AGAP1: variants seen among roughly 807,000 people sequenced by gnomAD.
The protein encoded by AGAP1 is arf-GAP with GTPase, ANK repeat and PH domain-containing protein 1.
AGAP1 carries 29 observed loss-of-function variants against 105.3 expected under a neutral mutation model. The observed-to-expected ratio is 0.28, with a 90% CI of 0.21 to 0.38. The LOEUF (loss-of-function observed/expected upper bound fraction) is 0.38. Ranked by LOEUF, AGAP1 falls within the 10% of genes least tolerant of loss-of-function variation. The probability of loss-of-function intolerance (pLI) is 1.00; values close to 1 mark genes in which losing one functional copy is unlikely to be tolerated. For missense variants in AGAP1, 998 were observed against 1,165.1 expected, an observed-to-expected ratio of 0.86 and a Z score of 2.09; for synonymous variants, 509 against 485.9, an observed-to-expected ratio of 1.05 and a Z score of -0.63.
rs1319951618 is a variant in AGAP1 at position 235,614,824 on chromosome 2, G to A, written c.164-94355G>A. On this transcript the variant is annotated intron_variant, in intron 1 of 17. Coordinates refer to ENST00000304032, the MANE Select transcript of AGAP1 (RefSeq NM_001037131.3). The surrounding 1 kb of genome is among the most constrained non-coding windows in gnomAD (Gnocchi z 4.7). ...TTTTCCTGTTTTCTTGGCCTCCTAG[G>A]GAATCAGTTTGATTCTGTGGCTATT... Among the ~76,000 whole-genome samples the A allele has an allele frequency of 6.6e-6, 1 of 152,192 alleles. No homozygotes were observed. The highest frequency in any genetic ancestry group is 2.4e-5 in the African/African-American group (1 of 41,444).
chr2:235,711,431 A>G (rs1349330428), intron 2 of AGAP1, among the ~76,000 whole-genome samples: 1 of 152,190 alleles, frequency 6.6e-6, no homozygotes, highest in African/African-American at 2.4e-5. Context: ...TTTTGAAAGC[A>G]TATGATTTTC....
intron 1 of AGAP1, among the ~76,000 whole-genome samples, chr2:235,507,902 C>T (rs983689002): frequency 1.3e-5 from 2 of 152,114 alleles, no homozygotes; most frequent in African/African-American, 4.8e-5. Flanking sequence ...ATTATTACAA[C>T]GCATAGTAAG....
chr2:235,523,555 G>T (rs1198488767), intron 1 of AGAP1, among the ~76,000 whole-genome samples: 1 of 152,124 alleles, frequency 6.6e-6, no homozygotes, highest in African/African-American at 2.4e-5. Context: ...CGTGCTGTCC[G>T]CTAAGCTCCC....
chr2:235,824,391 C>G lies in AGAP1; in HGVS notation c.1050+17060C>G, dbSNP rs1173271195. ...GGTCTTGCAAATTGGTAACTGGTAG[C>G]TACCAGTGTAATTAAATATTTCAGA... On this transcript the variant is annotated intron_variant, in intron 9 of 17. Coordinates refer to ENST00000304032, the MANE Select transcript of AGAP1 (RefSeq NM_001037131.3). The surrounding 1 kb of genome is among the most constrained non-coding windows in gnomAD (Gnocchi z 5.2). 6.6e-6 allele frequency among the ~76,000 whole-genome samples: 1 copy of G among 152,176 alleles called. No individual in the cohort carries two copies. Among genetic ancestry groups the G allele is most frequent in the African/African-American group, 2.4e-5 (1 of 41,416 alleles).
chr2:235,730,272 G>C (rs748656612), intron 3 of AGAP1, among the ~76,000 whole-genome samples: 31 of 151,974 alleles, frequency 2.0e-4, no homozygotes, highest in African/African-American at 7.5e-4. Flanking sequence ...TGCCCGTGTC[G>C]GCAGCCGAGT....
rs527685703 is a variant in AGAP1 at position 235,914,601 on chromosome 2, C to T, written c.1324+5695C>T. 7.9e-5 allele frequency among the ~76,000 whole-genome samples: 12 copies of T among 152,318 alleles called. No individual in the cohort carries two copies. In the South Asian group the frequency reaches 2.1e-3, roughly 26 times the overall value. ...TTTAAAATGCTGGAAATGTGGTCATCTTCATGTCAGTTTTTGCCATGGGCT... is the reference window on the plus strand; with the variant it reads ...TTTAAAATGCTGGAAATGTGGTCATTTTCATGTCAGTTTTTGCCATGGGCT... On this transcript the variant is annotated intron_variant, in intron 11 of 17. Transcript: ENST00000304032.
rs1461943146 is a variant in AGAP1 at position 235,723,846 on chromosome 2, CT to C, written c.310+6203del. On this transcript the variant is annotated intron_variant, in intron 3 of 17. Coordinates refer to ENST00000304032, the MANE Select transcript of AGAP1 (RefSeq NM_001037131.3). The surrounding 1 kb of genome is among the most constrained non-coding windows in gnomAD (Gnocchi z 6.2). ...AGAATGTTCATAGACCAACTCCAAGCTGCAAAATGAAAGTACCGAGAGGAAG... is the reference window on the plus strand; with the variant it reads ...AGAATGTTCATAGACCAACTCCAAGCGCAAAATGAAAGTACCGAGAGGAAG... Among the ~76,000 whole-genome samples, 30 of 152,184 alleles carry C rather than the reference CT, an allele frequency of 2.0e-4. No homozygotes were observed. In the East Asian group the frequency reaches 5.8e-3, roughly 29 times the overall value.
intron 3 of AGAP1, among the ~76,000 whole-genome samples, chr2:235,738,089 GAT>G (rs1240930591): frequency 6.6e-6 from 1 of 152,102 alleles, no homozygotes; most frequent in Non-Finnish European, 1.5e-5. Context: ...CTCTGGCTGT[GAT>G]ATATGTTAGG....
intron 1 of AGAP1, among the ~76,000 whole-genome samples, chr2:235,499,572 G>A (rs1411643420): frequency 6.6e-6 from 1 of 152,108 alleles, no homozygotes; most frequent in East Asian, 1.9e-4. Context: ...GCCGGCACCC[G>A]GGACCTCCAC....
chr2:236,079,845 G>A (rs2058737150), intron 16 of AGAP1, among the ~76,000 whole-genome samples: 1 of 152,174 alleles, frequency 6.6e-6, no homozygotes, highest in Non-Finnish European at 1.5e-5. Flanking sequence ...AACACTCAAG[G>A]CACTGGTTAC....
chr2:235,872,996 G>C lies in AGAP1; in HGVS notation c.1051-10349G>C, dbSNP rs972279033. Among the ~76,000 whole-genome samples the C allele has an allele frequency of 3.9e-5, 6 of 152,198 alleles. No homozygotes were observed. The highest frequency in any genetic ancestry group is 7.3e-5 in the Non-Finnish European group (5 of 68,038). On this transcript the variant is annotated intron_variant, in intron 9 of 17. Coordinates refer to ENST00000304032, the MANE Select transcript of AGAP1 (RefSeq NM_001037131.3). This position sits in a 1 kb window ranked among gnomAD's most constrained non-coding sequence, Gnocchi z 4.5. ...AGTGCAGCTCTGGAATTAGGAACCA[G>C]CCGTGCCCCAGGAGGGCAGAGGACC...
At position 235,641,323 on chromosome 2, in the gene AGAP1, C is replaced by CT. The variant is rs61233935; in HGVS notation, c.164-67856_164-67855insT. 1.1e-4 allele frequency among the ~76,000 whole-genome samples: 16 copies of CT among 140,282 alleles called. No individual in the cohort carries two copies. In the South Asian group the frequency reaches 1.6e-3, roughly 14 times the overall value. The allele number at this position is 140,282 out of a possible 152,430, so 92.0% of individuals were successfully genotyped here. ...TCTTTCTCTCTCTCTTTCTCTTTCT[C>CT]CTCCCTCCCTCCCTCTCTTCCTTCC... On this transcript the variant is annotated intron_variant, in intron 1 of 17. Coordinates refer to ENST00000304032, the MANE Select transcript of AGAP1 (RefSeq NM_001037131.3).
chr2:235,831,536 C>T (rs1343631048), intron 9 of AGAP1, among the ~76,000 whole-genome samples: 2 of 152,180 alleles, frequency 1.3e-5, no homozygotes, highest in African/African-American at 4.8e-5. Flanking sequence ...TTTCCTTTGC[C>T]AGGATGCCAT....
In AGAP1 at chr2:236,128,658, A is replaced by G. The variant is rs1395319466; in HGVS notation, c.*4536A>G. 3 of 151,882 alleles carry G rather than the reference A, an allele frequency of 2.0e-5. No individual in the cohort carries two copies. The highest frequency in any genetic ancestry group is 7.3e-5 in the African/African-American group (3 of 41,306). The allele number at this position is 151,882 out of a possible 1,614,324, so 9.4% of individuals were successfully genotyped here. A position where few individuals can be genotyped will look rare whatever the true frequency, so the allele number is the denominator to read the frequency against. ...GGTCCCCGTGGCGCCCAGGACACCAACTCTCCCTCCCTGCACTTAGGATGT... is the reference window on the plus strand; with the variant it reads ...GGTCCCCGTGGCGCCCAGGACACCAGCTCTCCCTCCCTGCACTTAGGATGT... On this transcript the variant is annotated 3_prime_UTR_variant, in exon 18 of 18. Coordinates refer to ENST00000304032, the MANE Select transcript of AGAP1 (RefSeq NM_001037131.3). The surrounding 1 kb of genome is among the most constrained non-coding windows in gnomAD (Gnocchi z 5.9).
At chr2:235,999,510 ATGGTGG>A (rs371247715) in intron 13 of AGAP1, among the ~76,000 whole-genome samples, 3 of 102,808 alleles carry the variant, frequency 2.9e-5, no homozygotes, top group Non-Finnish European at 4.1e-5. Context: ...GGTAGTGGTG[ATGGTGG>A]TGGTGGTGGT....
rs574863723 is a variant in AGAP1 at position 236,113,958 on chromosome 2, G to T, written c.2115-6234G>T. Among the ~76,000 whole-genome samples the T allele has an allele frequency of 6.6e-6, 1 of 152,154 alleles. No homozygotes were observed. Among genetic ancestry groups the T allele is most frequent in the Admixed American group, 6.5e-5 (1 of 15,274 alleles). Reference sequence around the variant, plus strand: ...GAAATGTACCTTTTCTTTTTATTTTGGGGATTGGGTCAGTGCCTTTCTTCT... The same window carrying T: ...GAAATGTACCTTTTCTTTTTATTTTTGGGATTGGGTCAGTGCCTTTCTTCT... On this transcript the variant is annotated intron_variant, in intron 16 of 17. Transcript: ENST00000304032. This position sits in a 1 kb window ranked among gnomAD's most constrained non-coding sequence, Gnocchi z 4.3.
In AGAP1 at chr2:235,664,444, C is replaced by G. The variant is rs887171463; in HGVS notation, c.164-44735C>G. On this transcript the variant is annotated intron_variant, in intron 1 of 17. Coordinates refer to ENST00000304032, the MANE Select transcript of AGAP1 (RefSeq NM_001037131.3). The surrounding 1 kb of genome is among the most constrained non-coding windows in gnomAD (Gnocchi z 5.7). ...TGTTGGCCAGGCTGGTCTCAAACTCCTGATCTCAGGTGATCCACCTGCCTT... is the reference window on the plus strand; with the variant it reads ...TGTTGGCCAGGCTGGTCTCAAACTCGTGATCTCAGGTGATCCACCTGCCTT... Among the ~76,000 whole-genome samples, 2 of 152,112 alleles carry G rather than the reference C, an allele frequency of 1.3e-5. No individual in the cohort carries two copies. The highest frequency in any genetic ancestry group is 6.5e-5 in the Admixed American group (1 of 15,280).
rs565635515 is a variant in AGAP1, at chr2:235,891,418, T to C, written c.1155+7969T>C. Among the ~76,000 whole-genome samples, 1 of 152,308 alleles carries C rather than the reference T, an allele frequency of 6.6e-6. No homozygotes were observed. The highest frequency in any genetic ancestry group is 2.1e-4 in the South Asian group (1 of 4,816). On this transcript the variant is annotated intron_variant, in intron 10 of 17. Coordinates refer to ENST00000304032, the MANE Select transcript of AGAP1 (RefSeq NM_001037131.3). The surrounding 1 kb of genome is among the most constrained non-coding windows in gnomAD (Gnocchi z 4.2). The stretch of plus-strand genomic sequence containing the variant: ...AGTGTCTCATGGTTTTCAGACACTT[T>C]GCTGGATCACAGTTCAGGTGGATCG...
intron 5 of AGAP1, among the ~76,000 whole-genome samples, chr2:235,748,739 A>G (rs965361873): frequency 3.9e-5 from 6 of 152,246 alleles, no homozygotes; most frequent in African/African-American, 1.4e-4. Flanking sequence ...AAGTTCTCAA[A>G]TGCCCTTTCT....
Sources: gnomAD v4.1 joint callset for allele counts (sites outside exome capture counted in the v4.1 genomes callset) on GRCh38, gnomAD v4.1.1 for gene constraint, Gnocchi (gnomAD v3.1) non-coding constraint, MANE v1.5 for transcripts, NCBI Gene and HGNC (gene_info 2026-07-23, HGNC 2026-07-21) for gene names.